Variants in MCRS1 observed in about 807,000 individuals in gnomAD.
MCRS1 encodes 58 kDa microspherule protein.
MCRS1 carries 22 observed loss-of-function variants against 62.9 expected under a neutral mutation model. The ratio of observed to expected loss-of-function variants is 0.35; its 90% confidence interval spans 0.25 to 0.50. The LOEUF (loss-of-function observed/expected upper bound fraction) is 0.50, where lower values mean the gene tolerates loss of function less well. MCRS1 is among the 20% of genes least tolerant of loss of function. The pLI is 0.98. For missense variants in MCRS1, 456 were observed against 601.1 expected (o/e 0.76, Z 2.52); for synonymous variants, 244 against 233.5 (o/e 1.04, Z -0.41).
At position 49,559,882 on chromosome 12, in the gene MCRS1, C is replaced by T; in HGVS notation, c.910+57G>A. 6.2e-7 allele frequency: 1 copy of T among 1,613,834 alleles called. No homozygotes were observed. Among genetic ancestry groups the T allele is most frequent in the South Asian group, 1.1e-5 (1 of 91,072 alleles). Reference sequence around the variant, plus strand: ...GAGGCCACCAGCACCTTGTACTGGTCCTCTTGATTCTGGCAGGAGCTTCCA... The same window carrying T: ...GAGGCCACCAGCACCTTGTACTGGTTCTCTTGATTCTGGCAGGAGCTTCCA... On this transcript the variant is annotated intron_variant, in intron 10 of 14. Transcript: ENST00000343810. This position sits in a 1 kb window ranked among gnomAD's most constrained non-coding sequence, Gnocchi z 5.2.
In MCRS1 at chr12:49,558,716, C is replaced by T; in HGVS notation, c.1316G>A (p.Arg439Gln). 4 of 1,613,906 alleles carry T rather than the reference C, an allele frequency of 2.5e-6. No individual in the cohort carries two copies. Among genetic ancestry groups the T allele is most frequent in the East Asian group, 2.2e-5 (1 of 44,870 alleles). Residue 439 changes from arginine to glutamine, a missense_variant, in exon 15 of 15, where the codon CGA (arginine) becomes CAA (glutamine). Arg to Gln is a conservative substitution (Grantham distance 43). This residue lies in a region of MCRS1 where 393 missense variants were observed against 523.5 expected (regional missense o/e 0.75). Transcript: ENST00000343810. ...GTCCTGGTTGATAAGGAAGACGAAT[C>T]GCAGGCTGGCGATCTGGGTGGGAGA... ...NNSVVEIASL[R>Q]FVFLINQDLI... is the part of the protein sequence containing the mutation.
chr12:49,566,678 C>G, intron 2 of MCRS1, 44 bp downstream of exon 2: 3 of 1,613,538 alleles, frequency 1.9e-6, no homozygotes, highest in Non-Finnish European at 2.5e-6. Context: ...TCAGCAGATG[C>G]TTGGCGCCCG....
Position 49,558,877 on chromosome 12 carries a change from G to T in MCRS1, c.1268C>A (p.Ser423Tyr). 2 of 1,613,108 alleles carry T rather than the reference G, an allele frequency of 1.2e-6. No individual in the cohort carries two copies. Among genetic ancestry groups the T allele is most frequent in the Non-Finnish European group, 1.7e-6 (2 of 1,180,024 alleles). The change falls in exon 14 of 15, where the codon TCC becomes TAC. Residue 423 changes from serine to tyrosine, a missense_variant. Around this residue, in one of 3 missense-constraint regions of MCRS1, gnomAD observed 393 missense variants for 523.5 expected, o/e 0.75. Transcript: ENST00000343810. ...AGAGTTGTTGCTGAGGCGCCATTTGGAGCCACAGAGCACCGGCCGTCCATC... is the reference window on the plus strand; with the variant it reads ...AGAGTTGTTGCTGAGGCGCCATTTGTAGCCACAGAGCACCGGCCGTCCATC... ...YIDGRPVLCGSKWRLSNNSVV... is the reference protein window; with the variant it reads ...YIDGRPVLCGYKWRLSNNSVV...
chr12:49,563,330 G>T (rs1272983967), intron 7 of MCRS1, 108 bp downstream of exon 7: 1 of 1,353,172 alleles, frequency 7.4e-7, no homozygotes, highest in Non-Finnish European at 1.0e-6. Flanking sequence ...ACGTGTGCAT[G>T]TGCACATATC....
At position 49,559,608 on chromosome 12, in the gene MCRS1, T is replaced by G; in HGVS notation, c.1004-73A>C. 6.3e-7 allele frequency: 1 copy of G among 1,595,416 alleles called. No homozygotes were observed. Among genetic ancestry groups the G allele is most frequent in the Middle Eastern group, 1.7e-4 (1 of 6,026 alleles). On this transcript the variant is annotated intron_variant, in intron 11 of 14. Coordinates refer to ENST00000343810, the MANE Select transcript of MCRS1 (RefSeq NM_006337.5). The surrounding 1 kb of genome is among the most constrained non-coding windows in gnomAD (Gnocchi z 5.2). ...GCAAGGCAGGGAACCAGGGCAAGGT[T>G]TATAAGGGAAGGGGGTCGGGGCCTG... is the stretch of plus-strand genomic sequence containing the variant.
Position 49,566,820 on chromosome 12 carries a change from G to A in MCRS1, c.-89C>T. 7.8e-6 allele frequency: 12 copies of A among 1,534,816 alleles called. No individual in the cohort carries two copies. The highest frequency in any genetic ancestry group is 1.1e-5 in the Non-Finnish European group (12 of 1,123,062). The stretch of plus-strand genomic sequence containing the variant: ...TCATCCAAGGATTCTGACCAGGTGA[G>A]CTTAAAGGCTGAGAGGAGATTCTGC... On this transcript the variant is annotated 5_prime_UTR_variant, in exon 2 of 15. Coordinates refer to ENST00000343810, the MANE Select transcript of MCRS1 (RefSeq NM_006337.5).
chr12:49,559,448 C>A lies in MCRS1; in HGVS notation c.1086+5G>T. 1 of 1,613,922 alleles carries A rather than the reference C, an allele frequency of 6.2e-7. No homozygotes were observed. Among genetic ancestry groups the A allele is most frequent in the Non-Finnish European group, 8.5e-7 (1 of 1,180,014 alleles). On this transcript the variant is annotated splice_donor_5th_base_variant and intron_variant, in intron 12 of 14. Transcript: ENST00000343810. The surrounding 1 kb of genome is among the most constrained non-coding windows in gnomAD (Gnocchi z 5.2). ...CTAAGAAGGGCGGGGATGGGCCTGC[C>A]TCACCTCACGCGAGCGCATCAGGTA...
At chr12:49,563,602 G>A in intron 6 of MCRS1, 56 bp from the exon 7 acceptor site, 1 of 1,351,360 alleles carries the variant, frequency 7.4e-7, no homozygotes, top group Non-Finnish European at 1.0e-6. Flanking sequence ...AAGCAATCTG[G>A]GGTTCCTACT....
chr12:49,562,502 G>A (rs764535211), intron 8 of MCRS1, among the ~76,000 whole-genome samples: 17 of 152,186 alleles, frequency 1.1e-4, no homozygotes, highest in Non-Finnish European at 1.9e-4. Flanking sequence ...CAGCTTGACA[G>A]CACTAACGGC....
intron 8 of MCRS1, among the ~76,000 whole-genome samples, chr12:49,560,848 C>A (rs575936293): frequency 1.3e-5 from 2 of 152,280 alleles, no homozygotes; most frequent in East Asian, 3.9e-4. Flanking sequence ...GGCTGGGAGG[C>A]ACCTGCCAGC....
At chr12:49,563,795 T>C (rs2138195781) in intron 6 of MCRS1, among the ~76,000 whole-genome samples, 1 of 152,264 alleles carries the variant, frequency 6.6e-6, no homozygotes, top group Non-Finnish European at 1.5e-5. Flanking sequence ...AGGCAGAGCC[T>C]TGGACCAGCT....
At chr12:49,566,360 T>A (rs771675010) in intron 2 of MCRS1, 145 bp from the exon 3 acceptor site, 1 of 1,568,782 alleles carries the variant, frequency 6.4e-7, no homozygotes, top group African/African-American at 1.4e-5. Flanking sequence ...GTAGAGTTCC[T>A]TGGCCATCCA....
At position 49,559,616 on chromosome 12, in the gene MCRS1, G is replaced by A; in HGVS notation, c.1004-81C>T. 1 of 1,591,344 alleles carries A rather than the reference G, an allele frequency of 6.3e-7. No homozygotes were observed. Among genetic ancestry groups the A allele is most frequent in the South Asian group, 1.1e-5 (1 of 90,570 alleles). ...GGGAACCAGGGCAAGGTTTATAAGG[G>A]AAGGGGGTCGGGGCCTGGGAAACGA... On this transcript the variant is annotated intron_variant, in intron 11 of 14. Coordinates refer to ENST00000343810, the MANE Select transcript of MCRS1 (RefSeq NM_006337.5). This position sits in a 1 kb window ranked among gnomAD's most constrained non-coding sequence, Gnocchi z 5.2.
intron 2 of MCRS1, 87 bp downstream of exon 2, chr12:49,566,635 C>A: frequency 6.3e-7 from 1 of 1,591,752 alleles, no homozygotes; most frequent in East Asian, 2.3e-5. Context: ...CTAGCCAGGA[C>A]CGAAAGACAC....
chr12:49,565,557 C>G lies in MCRS1; in HGVS notation c.260G>C (p.Ser87Thr). The change falls in exon 4 of 15, where the codon AGT becomes ACT. Residue 87 changes from serine to threonine, a missense_variant. Transcript: ENST00000343810. Reference sequence around the variant, plus strand: ...CTTCTTCTCACTGGAGGAGGGTTCACTCCCCGAACAGCGCCCTGGTTCCAC... The same window carrying G: ...CTTCTTCTCACTGGAGGAGGGTTCAGTCCCCGAACAGCGCCCTGGTTCCAC... ...SGVEPGRCSG[S>T]EPSSSEKKKV... The G allele has an allele frequency of 6.2e-7, 1 of 1,607,166 alleles. No individual in the cohort carries two copies. The highest frequency in any genetic ancestry group is 8.5e-7 in the Non-Finnish European group (1 of 1,176,454).
chr12:49,561,155 T>C (rs913958945), intron 8 of MCRS1, among the ~76,000 whole-genome samples: 1 of 152,144 alleles, frequency 6.6e-6, no homozygotes, highest in African/African-American at 2.4e-5. Context: ...AGCTGAGAAT[T>C]CAAGTTCAGC....
At chr12:49,560,947 C>T (rs1289880560) in intron 8 of MCRS1, among the ~76,000 whole-genome samples, 1 of 152,022 alleles carries the variant, frequency 6.6e-6, no homozygotes, top group Non-Finnish European at 1.5e-5. Flanking sequence ...GCTAATGGGT[C>T]ATGAAATCAG....
intron 8 of MCRS1, 97 bp downstream of exon 8, chr12:49,562,904 G>C: frequency 7.0e-7 from 1 of 1,436,840 alleles, no homozygotes; most frequent in Non-Finnish European, 9.3e-7. Flanking sequence ...TGAGGAATCT[G>C]TTACAGGGCA....
At chr12:49,567,915 G>A (rs1281768827) in intron 1 of MCRS1, 133 bp downstream of exon 1, 1 of 152,244 alleles carries the variant, frequency 6.6e-6, no homozygotes, top group Non-Finnish European at 1.5e-5. Context: ...GCCCACGCAT[G>A]CGCAGCTTTT....
Sources: allele counts gnomAD v4.1 joint callset (sites outside exome capture counted in the v4.1 genomes callset), GRCh38; gene constraint gnomAD v4.1.1; regional missense constraint gnomAD v4.1.1; non-coding constraint Gnocchi (gnomAD v3.1); transcripts MANE v1.5; gene names NCBI Gene and HGNC (gene_info 2026-07-23, HGNC 2026-07-21).